Variants in ARRB2 observed in about 807,000 individuals in gnomAD.
ARRB2 encodes arrestin beta 2.
A neutral mutation model predicts 53.4 loss-of-function variants in ARRB2; 21 were observed. The observed-to-expected ratio is 0.39, with a 90% CI of 0.28 to 0.57. ARRB2 has a LOEUF of 0.57. Ranked by LOEUF, ARRB2 falls within the 20% of genes least tolerant of loss-of-function variation. The probability of loss-of-function intolerance (pLI) is 0.55; values close to 1 mark genes in which losing one functional copy is unlikely to be tolerated. For missense variants in ARRB2, 369 were observed against 527.5 expected, an observed-to-expected ratio of 0.70 and a Z score of 2.94; for synonymous variants, 180 against 212.9, an observed-to-expected ratio of 0.85 and a Z score of 1.34.
intron 4 of ARRB2, 57 bp from the exon 5 acceptor site, chr17:4,716,355 T>C: frequency 6.2e-7 from 1 of 1,613,690 alleles, no homozygotes; most frequent in Non-Finnish European, 8.5e-7. Flanking sequence ...GGCTGCTAGG[T>C]GCCAGGGGAC....
At chr17:4,719,161 T>C (rs375472688) in intron 10 of ARRB2, 122 bp from the exon 11 acceptor site, 5 of 1,255,698 alleles carry the variant, frequency 4.0e-6, no homozygotes, top group African/African-American at 1.5e-5. Context: ...ACCTACTCCC[T>C]TGTGACCTGT....
Position 4,721,360 on chromosome 17 carries a change from A to G in ARRB2, c.*321A>G, listed in dbSNP as rs544649679. The G allele has an allele frequency of 9.4e-6, 4 of 426,822 alleles. No homozygotes were observed. Among genetic ancestry groups the G allele is most frequent in the African/African-American group, 6.1e-5 (3 of 48,986 alleles). The allele number at this position is 426,822 out of a possible 1,614,324, so 26.4% of individuals were successfully genotyped here. ...GACAGGAGGGAAAGGGGGAGACAAA[A>G]CTCCTACTCTCAACCTCACACCAAC... On this transcript the variant is annotated 3_prime_UTR_variant, in exon 15 of 15. Coordinates refer to ENST00000269260, the MANE Select transcript of ARRB2 (RefSeq NM_004313.4). This position sits in a 1 kb window ranked among gnomAD's most constrained non-coding sequence, Gnocchi z 4.2.
intron 3 of ARRB2, 55 bp from the exon 4 acceptor site, chr17:4,716,092 C>G: frequency 6.2e-7 from 1 of 1,614,190 alleles, no homozygotes; most frequent in Non-Finnish European, 8.5e-7. Context: ...TTCCCGGGCC[C>G]AGGAAAGCGG....
At position 4,720,723 on chromosome 17, in the gene ARRB2, C is replaced by A. The variant is rs1195412579; in HGVS notation, c.1136+83C>A. On this transcript the variant is annotated intron_variant, in intron 14 of 14. Coordinates refer to ENST00000269260, the MANE Select transcript of ARRB2 (RefSeq NM_004313.4). ...AATCTGCCCTCATACCTCTTCCTTG[C>A]TTTTGGTGGGGAGAAGCGGATTGTA... The A allele has an allele frequency of 2.2e-5, 28 of 1,301,842 alleles. No homozygotes were observed. In the Admixed American group the frequency reaches 5.0e-4, roughly 23 times the overall value. 80.6% of individuals were successfully genotyped at this position (1,301,842 alleles called of 1,614,324 possible).
chr17:4,715,488 C>G (rs1201598420), intron 2 of ARRB2: 1 of 146,640 alleles, frequency 6.8e-6, no homozygotes, highest in East Asian at 1.9e-4. Context: ...CACACACAGA[C>G]ACACACACAC....
chr17:4,717,677 TC>T lies in ARRB2; in HGVS notation c.418-4del, dbSNP rs765225491. 1 of 1,614,024 alleles carries T rather than the reference TC, an allele frequency of 6.2e-7. No individual in the cohort carries two copies. Among genetic ancestry groups the T allele is most frequent in the Admixed American group, 1.7e-5 (1 of 60,016 alleles). On this transcript the variant is annotated splice_region_variant and splice_polypyrimidine_tract_variant and intron_variant, in intron 6 of 14. Coordinates refer to ENST00000269260, the MANE Select transcript of ARRB2 (RefSeq NM_004313.4). The surrounding 1 kb of genome is among the most constrained non-coding windows in gnomAD (Gnocchi z 6.0). ...CGGTAAGATGTGGCCTTTTCTCCCC[TC>T]CCCGAGGCCTGCGGCGTAGACTTTG...
intron 1 of ARRB2, among the ~76,000 whole-genome samples, chr17:4,711,815 T>C (rs1260464805): frequency 6.6e-6 from 1 of 152,174 alleles, no homozygotes; most frequent in Non-Finnish European, 1.5e-5. Context: ...AGGAGACTGC[T>C]AACTTGGCAC....
chr17:4,720,886 TG>T lies in ARRB2; in HGVS notation c.1137-57del, dbSNP rs3841623. 13,416 of 1,544,834 alleles carry T rather than the reference TG, an allele frequency of 8.7e-3. 717 individuals are homozygous for T. In the East Asian group the frequency reaches 0.15, roughly 17 times the overall value. ...GCCTAGCTTCGGGGAGGGCAGGGAG[TG>T]GGAGGCTGGGACAAGAGTCAGAAGC... On this transcript the variant is annotated intron_variant, in intron 14 of 14. Transcript: ENST00000269260.
chr17:4,718,107 T>C lies in ARRB2; in HGVS notation c.621+84T>C, dbSNP rs909600863. 3.8e-6 allele frequency: 6 copies of C among 1,589,868 alleles called. No homozygotes were observed. In the Admixed American group the frequency reaches 8.9e-5, roughly 23 times the overall value. ...CGAAGCCACACATCAAGAGGACATT[T>C]GTAAAGGAGGTTGCCTTGGCTGGGT... On this transcript the variant is annotated intron_variant, in intron 8 of 14. Transcript: ENST00000269260.
At position 4,718,284 on chromosome 17, in the gene ARRB2, C is replaced by G; in HGVS notation, c.645C>G (p.Leu215=). The part of the protein sequence containing the change: ...DKELYYHGEP[L]NVNVHVTNNS... ...AGCTGTACTACCATGGGGAGCCCCT[C>G]AATGTAAATGTCCACGTCACCAACA... The change falls in exon 9 of 15, where the codon CTC becomes CTG. Residue 215 remains leucine, a synonymous_variant. Transcript: ENST00000269260. 6.2e-7 allele frequency: 1 copy of G among 1,612,194 alleles called. No homozygotes were observed. The highest frequency in any genetic ancestry group is 1.1e-5 in the South Asian group (1 of 90,596).
chr17:4,712,820 G>T (rs942092191), intron 1 of ARRB2, among the ~76,000 whole-genome samples: 1 of 152,160 alleles, frequency 6.6e-6, no homozygotes, highest in Admixed American at 6.5e-5. Context: ...AATATTGATC[G>T]AGAGGATGGA....
At chr17:4,719,921 G>A (rs1316423315) in intron 11 of ARRB2, among the ~76,000 whole-genome samples, 5 of 152,200 alleles carry the variant, frequency 3.3e-5, no homozygotes, top group Admixed American at 2.6e-4. Context: ...GGCAACTTAG[G>A]GAGAAGAACT....
At chr17:4,715,870 T>A in intron 2 of ARRB2, 103 bp from the exon 3 acceptor site, 1 of 1,328,246 alleles carries the variant, frequency 7.5e-7, no homozygotes, top group Non-Finnish European at 1.1e-6. Flanking sequence ...TCCTTCCTGA[T>A]AGCCCAGCCT....
At position 4,714,853 on chromosome 17, in the gene ARRB2, G is replaced by A. The variant is rs571662192; in HGVS notation, c.24-160G>A. ...ACGTTAGAAATAGGAAGGACCTTCC[G>A]GGAAGAAGGGGAAAGGGGCAGAGCT... On this transcript the variant is annotated intron_variant, in intron 1 of 14. Transcript: ENST00000269260. 397 of 550,076 alleles carry A rather than the reference G, an allele frequency of 7.2e-4. 1 individual carries two copies. The highest frequency in any genetic ancestry group is 1.5e-3 in the Middle Eastern group (3 of 2,018). 34.1% of individuals were successfully genotyped at this position (550,076 alleles called of 1,614,324 possible).
chr17:4,716,357 C>G, intron 4 of ARRB2, 55 bp from the exon 5 acceptor site: 3 of 1,613,762 alleles, frequency 1.9e-6, no homozygotes. Context: ...CTGCTAGGTG[C>G]CAGGGGACTG....
In ARRB2 at chr17:4,721,049, T is replaced by G. The variant is rs1915648315; in HGVS notation, c.*10T>G. The G allele has an allele frequency of 6.2e-7, 1 of 1,604,196 alleles. No individual in the cohort carries two copies. On this transcript the variant is annotated 3_prime_UTR_variant, in exon 15 of 15. Transcript: ENST00000269260. The surrounding 1 kb of genome is among the most constrained non-coding windows in gnomAD (Gnocchi z 4.2). ...TGATCAACTCTGCTAGGAAGCGGGG[T>G]GGGAAGAAGGGAGGGGATGGGGTTG...
intron 9 of ARRB2, 36 bp downstream of exon 9, chr17:4,718,381 G>C: frequency 6.3e-7 from 1 of 1,580,042 alleles, no homozygotes; most frequent in South Asian, 1.1e-5. Flanking sequence ...TCTTCGGGGA[G>C]GGCGTTACTG....
intron 1 of ARRB2, 56 bp from the exon 2 acceptor site, chr17:4,714,957 T>C: frequency 6.4e-7 from 1 of 1,555,402 alleles, no homozygotes. Flanking sequence ...GGTCCTGGTG[T>C]GGGGTCCCTG....
Position 4,715,966 on chromosome 17 carries a change from T to A in ARRB2, c.55-7T>A. On this transcript the variant is annotated splice_polypyrimidine_tract_variant and splice_region_variant and intron_variant, in intron 2 of 14. Transcript: ENST00000269260. ...CAATCTCCCCTGTGACCCCTTGACA[T>A]CCTCAGCTCACCGTGTACTTGGGCA... 2 of 1,614,126 alleles carry A rather than the reference T, an allele frequency of 1.2e-6. No homozygotes were observed. The highest frequency in any genetic ancestry group is 1.1e-5 in the South Asian group (1 of 91,082).
Sources: gnomAD v4.1 joint callset for allele counts (sites outside exome capture counted in the v4.1 genomes callset) on GRCh38, gnomAD v4.1.1 for gene constraint, Gnocchi (gnomAD v3.1) non-coding constraint, MANE v1.5 for transcripts, NCBI Gene and HGNC (gene_info 2026-07-23, HGNC 2026-07-21) for gene names.